Variants in CFAP61 observed in about 807,000 individuals in gnomAD.
CFAP61 encodes cilia- and flagella-associated protein 61.
A neutral mutation model predicts 135.6 loss-of-function variants in CFAP61; 107 were observed. The observed-to-expected ratio is 0.79, with a 90% CI of 0.67 to 0.93. The LOEUF (loss-of-function observed/expected upper bound fraction) is 0.93, where lower values mean the gene tolerates loss of function less well. CFAP61 is among the 40% of genes least tolerant of loss of function. The probability of loss-of-function intolerance (pLI) is 0.00; values close to 1 mark genes in which losing one functional copy is unlikely to be tolerated. For synonymous variants in CFAP61, 575 were observed against 578.5 expected (o/e 0.99, Z 0.09); for missense variants, 1,507 against 1,556.2 (o/e 0.97, Z 0.53).
chr20:20,124,293 G>T (rs572916257), intron 8 of CFAP61, among the ~76,000 whole-genome samples: 1 of 151,642 alleles, frequency 6.6e-6, no homozygotes, highest in Non-Finnish European at 1.5e-5. Context: ...GGAGTGGTGA[G>T]AGTGGGCATC....
intron 17 of CFAP61, among the ~76,000 whole-genome samples, chr20:20,227,158 A>G (rs1267310288): frequency 2.0e-5 from 3 of 152,218 alleles, no homozygotes; most frequent in Admixed American, 6.5e-5. Context: ...GTGGGAACCC[A>G]AATAAGACTT....
At chr20:20,180,183 A>G (rs2146847976) in intron 13 of CFAP61, among the ~76,000 whole-genome samples, 1 of 152,146 alleles carries the variant, frequency 6.6e-6, no homozygotes, top group East Asian at 1.9e-4. Context: ...GGGAAAAACA[A>G]CCCCATTAAA....
chr20:20,232,466 C>T (rs983821355), intron 18 of CFAP61, among the ~76,000 whole-genome samples: 3 of 152,078 alleles, frequency 2.0e-5, no homozygotes, highest in African/African-American at 7.2e-5. Context: ...CCTTTCACTC[C>T]TGGTGTGGCG....
At chr20:20,166,752 T>C (rs910171260) in intron 12 of CFAP61, among the ~76,000 whole-genome samples, 2 of 152,218 alleles carry the variant, frequency 1.3e-5, no homozygotes, top group Non-Finnish European at 2.9e-5. Flanking sequence ...TGTTATTTTA[T>C]AGATTATGTT....
At chr20:20,108,230 G>A (rs993897449) in intron 8 of CFAP61, among the ~76,000 whole-genome samples, 1 of 152,150 alleles carries the variant, frequency 6.6e-6, no homozygotes, top group African/African-American at 2.4e-5. Flanking sequence ...GTACAATTTA[G>A]TCATGGTTAT....
Position 20,250,343 on chromosome 20 carries a change from G to A in CFAP61, c.2160-1252G>A, listed in dbSNP as rs6106213. ...TTATAGCGGTCAGCAGTGGAGGAAC[G>A]TAGGGAGAGCTCATTACCCTGTGTT... On this transcript the variant is annotated intron_variant, in intron 19 of 26. Coordinates refer to ENST00000245957, the MANE Select transcript of CFAP61 (RefSeq NM_015585.4). 3.5e-3 allele frequency among the ~76,000 whole-genome samples: 526 copies of A among 152,344 alleles called. 5 individuals are homozygous for A. The highest frequency in any genetic ancestry group is 0.012 in the African/African-American group (483 of 41,584).
At position 20,247,325 on chromosome 20, in the gene CFAP61, G is replaced by A. The variant is rs144182286; in HGVS notation, c.2159+1110G>A. Among the ~76,000 whole-genome samples the A allele has an allele frequency of 5.9e-4, 90 of 152,290 alleles. 1 individual carries two copies. In the East Asian group the frequency reaches 0.015, roughly 26 times the overall value. ...AAAGTTTCCCTCAATCCCATGTTGC[G>A]TGTGTTTCAGGAGAAAACAGCTACC... is the stretch of plus-strand genomic sequence containing the variant. On this transcript the variant is annotated intron_variant, in intron 19 of 26. Transcript: ENST00000245957.
chr20:20,242,564 TTGTA>T (rs1331682662), intron 18 of CFAP61, among the ~76,000 whole-genome samples: 4 of 152,230 alleles, frequency 2.6e-5, no homozygotes, highest in Admixed American at 2.6e-4. Context: ...CTTATGAGCT[TTGTA>T]ACCTTGAACA....
At chr20:20,069,745 AT>A (rs1260503251) in intron 2 of CFAP61, 2 of 456,212 alleles carry the variant, frequency 4.4e-6, no homozygotes, top group Non-Finnish European at 8.8e-6. Flanking sequence ...TCTTGCTTAG[AT>A]TTTCTCGTTC....
intron 16 of CFAP61, among the ~76,000 whole-genome samples, 153 bp downstream of exon 16, chr20:20,196,929 A>G (rs1416966931): frequency 1.3e-5 from 2 of 152,226 alleles, no homozygotes; most frequent in Non-Finnish European, 2.9e-5. Flanking sequence ...GGCCTTTTTC[A>G]TAAACTACAG....
At chr20:20,287,011 A>G (rs2054631935) in intron 22 of CFAP61, among the ~76,000 whole-genome samples, 1 of 152,224 alleles carries the variant, frequency 6.6e-6, no homozygotes, top group Admixed American at 6.5e-5. Context: ...TTTATAATTT[A>G]AATTCAAATC....
chr20:20,354,484 CAG>C (rs1190447489), intron 26 of CFAP61, among the ~76,000 whole-genome samples: 2 of 125,164 alleles, frequency 1.6e-5, no homozygotes, highest in African/African-American at 3.1e-5. Context: ...GTCTGGGTGA[CAG>C]AGAGAGACCT....
intron 21 of CFAP61, among the ~76,000 whole-genome samples, chr20:20,276,353 G>A (rs2053763015): frequency 1.3e-5 from 2 of 150,014 alleles, no homozygotes; most frequent in Admixed American, 6.7e-5. Flanking sequence ...GTTTATTTGT[G>A]AAAATGTGAA....
At chr20:20,091,834 C>A (rs889077846) in intron 7 of CFAP61, among the ~76,000 whole-genome samples, 1 of 152,136 alleles carries the variant, frequency 6.6e-6, no homozygotes, top group African/African-American at 2.4e-5. Context: ...TGCGCCACCA[C>A]GCCCAGCTAA....
intron 26 of CFAP61, among the ~76,000 whole-genome samples, chr20:20,345,811 A>C (rs938021487): frequency 6.8e-6 from 1 of 147,348 alleles, no homozygotes; most frequent in Non-Finnish European, 1.5e-5. Flanking sequence ...AATCCCAGCT[A>C]CTCAGGAGGC....
At chr20:20,306,644 G>A (rs1055074642) in intron 25 of CFAP61, among the ~76,000 whole-genome samples, 1 of 152,142 alleles carries the variant, frequency 6.6e-6, no homozygotes, top group Non-Finnish European at 1.5e-5. Context: ...GAGGGTGGGA[G>A]CCCATGTCTA....
intron 21 of CFAP61, among the ~76,000 whole-genome samples, chr20:20,271,429 GTC>G (rs1314803333): frequency 1.3e-5 from 2 of 152,116 alleles, no homozygotes; most frequent in Admixed American, 6.6e-5. Context: ...ATCACTTTCC[GTC>G]TCTCTCTCCC....
chr20:20,098,678 C>G lies in CFAP61; in HGVS notation c.723C>G (p.Phe241Leu). Residue 241 changes from phenylalanine (F) to leucine (L), a missense_variant, in exon 8 of 27, where the codon TTC becomes TTG. Transcript: ENST00000245957. ...AGGTGGAAGGCACAGCTGTTGGGTT[C>G]ATGAGTGTGTGCTCAAGAGTGAACA... ...VCEVEGTAVGFMSVCSRVNMQ... is the reference protein window; with the variant it reads ...VCEVEGTAVGLMSVCSRVNMQ... 6.2e-7 allele frequency: 1 copy of G among 1,604,324 alleles called. No individual in the cohort carries two copies. Among genetic ancestry groups the G allele is most frequent in the African/African-American group, 1.4e-5 (1 of 73,946 alleles).
intron 13 of CFAP61, 25 bp downstream of exon 13, chr20:20,169,485 A>C: frequency 6.4e-7 from 1 of 1,554,868 alleles, no homozygotes; most frequent in Non-Finnish European, 8.7e-7. Context: ...GTTTGGCCAC[A>C]CAACAATCCA....
Sources: gnomAD v4.1 joint callset for allele counts (sites outside exome capture counted in the v4.1 genomes callset) on GRCh38, gnomAD v4.1.1 for gene constraint, MANE v1.5 for transcripts, NCBI Gene and HGNC (gene_info 2026-07-23, HGNC 2026-07-21) for gene names.